The following TMEM132E variants were observed in gnomAD, a reference collection of about 807,000 sequenced individuals.
The protein encoded by TMEM132E is transmembrane protein 132E.
Under a neutral mutation model 78.5 loss-of-function variants are expected in TMEM132E, and 49 were observed. That is an observed-to-expected ratio of 0.62 (90% CI 0.50 to 0.79). The LOEUF is 0.79. TMEM132E is among the 30% of genes least tolerant of loss of function. TMEM132E has a pLI of 0.00. For synonymous variants in TMEM132E, 715 were observed against 670.6 expected, an observed-to-expected ratio of 1.07 and a Z score of -1.02; for missense variants, 1,403 against 1,470.9, an observed-to-expected ratio of 0.95 and a Z score of 0.75.
Position 34,637,996 on chromosome 17 carries a change from G to T in TMEM132E, c.2989G>T (p.Asp997Tyr). The change falls in exon 9 of 9, where the codon GAC (aspartate) becomes TAC (tyrosine). Residue 997 changes from aspartate to tyrosine, a missense_variant. Physicochemically the swap from Asp to Tyr is radical, Grantham distance 160. This residue lies in a region of TMEM132E where 888 missense variants were observed against 952.8 expected (regional missense o/e 0.93). Transcript: ENST00000631683. ...CGGCTCCTCGGGCGGCTCAGCCCGA[G>T]ACCAAGCCGAGGACCCCGCCAGCTC... ...GDGSSGGSAR[D>Y]QAEDPASSPT... is the part of the protein sequence containing the mutation. 1.9e-6 allele frequency: 3 copies of T among 1,584,668 alleles called. No homozygotes were observed. Among genetic ancestry groups the T allele is most frequent in the Admixed American group, 1.8e-5 (1 of 55,618 alleles).
intron 1 of TMEM132E, among the ~76,000 whole-genome samples, chr17:34,622,863 C>T (rs909275445): frequency 2.0e-5 from 3 of 151,946 alleles, no homozygotes; most frequent in Non-Finnish European, 2.9e-5. Flanking sequence ...AGGTAAGTGG[C>T]GGTAAGTGCT....
chr17:34,600,640 G>A (rs1906210801), intron 1 of TMEM132E, among the ~76,000 whole-genome samples: 1 of 152,170 alleles, frequency 6.6e-6, no homozygotes, highest in African/African-American at 2.4e-5. Flanking sequence ...GCTAAGGAGA[G>A]AAGCAGCCAG....
Position 34,580,426 on chromosome 17 carries a change from G to T in TMEM132E, c.-651G>T, listed in dbSNP as rs1307303004. 6.6e-6 allele frequency: 1 copy of T among 152,340 alleles called. No homozygotes were observed. Among genetic ancestry groups the T allele is most frequent in the Non-Finnish European group, 1.5e-5 (1 of 68,118 alleles). 9.4% of individuals were successfully genotyped at this position (152,340 alleles called of 1,614,324 possible). Reference sequence around the variant, plus strand: ...ACAAACATCTGGCCGCCCGCCTCGGGCATCCGGTCTGGGCGTCGCCTAGGG... The same window carrying T: ...ACAAACATCTGGCCGCCCGCCTCGGTCATCCGGTCTGGGCGTCGCCTAGGG... On this transcript the variant is annotated 5_prime_UTR_variant, in exon 1 of 9. Coordinates refer to ENST00000631683, the MANE Select transcript of TMEM132E (RefSeq NM_001304438.2).
At chr17:34,586,548 G>C (rs1306948676) in intron 1 of TMEM132E, among the ~76,000 whole-genome samples, 3 of 151,882 alleles carry the variant, frequency 2.0e-5, no homozygotes, top group Non-Finnish European at 4.4e-5. Flanking sequence ...AGTGGGGGGG[G>C]ACAAGCAAGC....
chr17:34,622,332 C>G (rs141594503), intron 1 of TMEM132E, among the ~76,000 whole-genome samples: 35 of 152,298 alleles, frequency 2.3e-4, no homozygotes, highest in African/African-American at 8.2e-4. Flanking sequence ...AGTGTTAGGT[C>G]TCAGGGACCC....
intron 1 of TMEM132E, among the ~76,000 whole-genome samples, chr17:34,605,339 C>A (rs976082019): frequency 6.6e-6 from 1 of 152,174 alleles, no homozygotes; most frequent in African/African-American, 2.4e-5. Flanking sequence ...GTCAGGTGTA[C>A]TCAGCACCTC....
intron 1 of TMEM132E, among the ~76,000 whole-genome samples, chr17:34,621,688 C>T (rs1315878046): frequency 6.6e-6 from 1 of 152,166 alleles, no homozygotes; most frequent in African/African-American, 2.4e-5. Context: ...GCAAACTGGT[C>T]TGCAGGGCAA....
Position 34,636,040 on chromosome 17 carries a change from G to C in TMEM132E, c.2011G>C (p.Glu671Gln), listed in dbSNP as rs1907508857. ...VSPLTEAVLG[E>Q]TLLTVTEEKV... ...TCCGCTGACGGAGGCTGTGCTCGGGGAGACGCTGCTGACGGTGACTGAGGA... is the reference window on the plus strand; with the variant it reads ...TCCGCTGACGGAGGCTGTGCTCGGGCAGACGCTGCTGACGGTGACTGAGGA... Residue 671 changes from glutamate (E) to glutamine (Q), a missense_variant, in exon 8 of 9, where the codon GAG (glutamate) becomes CAG (glutamine). This residue lies in a region of TMEM132E where 888 missense variants were observed against 952.8 expected (regional missense o/e 0.93). Coordinates refer to ENST00000631683, the MANE Select transcript of TMEM132E (RefSeq NM_001304438.2). 3 of 1,552,082 alleles carry C rather than the reference G, an allele frequency of 1.9e-6. No individual in the cohort carries two copies. The highest frequency in any genetic ancestry group is 2.6e-6 in the Non-Finnish European group (3 of 1,151,766).
rs1376002021 is a variant in TMEM132E at position 34,617,184 on chromosome 17, G to GACT, written c.68-8941_68-8939dup. On this transcript the variant is annotated intron_variant, in intron 1 of 8. Coordinates refer to ENST00000631683, the MANE Select transcript of TMEM132E (RefSeq NM_001304438.2). Reference sequence around the variant, plus strand: ...TCACTCATGTGGCATGCAGAGCAGGGACTATCCTCTTCTCCCAAAGAAAGA... The same window carrying GACT: ...TCACTCATGTGGCATGCAGAGCAGGGACTACTATCCTCTTCTCCCAAAGAAAGA... Among the ~76,000 whole-genome samples the GACT allele has an allele frequency of 3.9e-5, 6 of 152,348 alleles. No individual in the cohort carries two copies. The South Asian group carries it at 1.2e-3, about 32-fold the overall frequency.
At chr17:34,587,301 A>G (rs1453930307) in intron 1 of TMEM132E, among the ~76,000 whole-genome samples, 1 of 152,078 alleles carries the variant, frequency 6.6e-6, no homozygotes, top group Admixed American at 6.6e-5. Flanking sequence ...CCAACCCTTA[A>G]ACAGAATTAG....
intron 2 of TMEM132E, among the ~76,000 whole-genome samples, chr17:34,627,449 G>T (rs1350231061): frequency 5.2e-5 from 5 of 96,910 alleles, no homozygotes; most frequent in African/African-American, 1.6e-4. Flanking sequence ...CAGCCTCTTG[G>T]CTGGGAGCCA....
At position 34,634,779 on chromosome 17, in the gene TMEM132E, A is replaced by G; in HGVS notation, c.1689-20A>G. On this transcript the variant is annotated intron_variant, in intron 6 of 8. Transcript: ENST00000631683. ...AGAGTCCAGGTGAGAAGCCTTCAGC[A>G]TGGCATGTCCCCACCCCAGGTCAGT... 6.2e-7 allele frequency: 1 copy of G among 1,601,434 alleles called. No homozygotes were observed. The highest frequency in any genetic ancestry group is 8.5e-7 in the Non-Finnish European group (1 of 1,173,382).
rs769515627 is a variant in TMEM132E, at chr17:34,628,617, G to A, written c.1053G>A (p.Gln351=). Residue 351 remains glutamine (Q), a synonymous_variant, in exon 3 of 9, where the codon CAG becomes CAA. Coordinates refer to ENST00000631683, the MANE Select transcript of TMEM132E (RefSeq NM_001304438.2). The part of the protein sequence containing the change: ...TLLGTKSRSG[Q]WHVTSELLTG... ...TAGGTACCAAGTCACGGAGTGGCCA[G>A]TGGCATGTGACCTCGGAGCTGCTGA... 4.3e-6 allele frequency: 7 copies of A among 1,613,978 alleles called. No homozygotes were observed. The East Asian group carries it at 1.6e-4, about 36-fold the overall frequency.
At chr17:34,610,286 T>G (rs571259039) in intron 1 of TMEM132E, among the ~76,000 whole-genome samples, 2 of 152,306 alleles carry the variant, frequency 1.3e-5, no homozygotes, top group South Asian at 2.1e-4. Flanking sequence ...CCCAGCAGGG[T>G]CTGGTGCAGA....
intron 1 of TMEM132E, among the ~76,000 whole-genome samples, chr17:34,590,411 G>A (rs907967596): frequency 3.9e-5 from 6 of 152,188 alleles, no homozygotes; most frequent in Admixed American, 1.3e-4. Flanking sequence ...AATAAAATGC[G>A]GAGTCATTGA....
chr17:34,579,764 C>G lies in TMEM132E; in HGVS notation c.-1313C>G, dbSNP rs1905394911. 6.6e-6 allele frequency: 1 copy of G among 152,310 alleles called. No homozygotes were observed. 9.4% of individuals were successfully genotyped at this position (152,310 alleles called of 1,614,324 possible). On this transcript the variant is annotated 5_prime_UTR_variant, in exon 1 of 9. Coordinates refer to ENST00000631683, the MANE Select transcript of TMEM132E (RefSeq NM_001304438.2). The stretch of plus-strand genomic sequence containing the variant: ...GCCAGCACCTCCTCTCCTCTCGGCC[C>G]CGTAGGCACCAGCTGCCGCTTCCCT...
intron 1 of TMEM132E, among the ~76,000 whole-genome samples, chr17:34,596,572 G>T (rs1440446146): frequency 1.3e-5 from 2 of 152,106 alleles, no homozygotes; most frequent in African/African-American, 2.4e-5. Flanking sequence ...GCAGGGAATG[G>T]CTGACTCATT....
Position 34,626,672 on chromosome 17 carries a change from C to T in TMEM132E, c.613C>T (p.Pro205Ser), listed in dbSNP as rs1167506930. ...CCTGGCCTGGTTCGGGCCCCCAGCC[C>T]CCGCTGCGCCACCCACGGCCCGCCG... ...LPLAWFGPPA[P>S]AAPPTARRKS... Residue 205 changes from proline (P) to serine (S), a missense_variant, in exon 2 of 9, where the codon CCC becomes TCC. By Grantham distance (74) the Pro-to-Ser change is moderately conservative. Transcript: ENST00000631683. The T allele has an allele frequency of 1.4e-6, 2 of 1,407,792 alleles. No individual in the cohort carries two copies. The highest frequency in any genetic ancestry group is 1.5e-5 in the African/African-American group (1 of 67,990). The allele number at this position is 1,407,792 out of a possible 1,614,324, so 87.2% of individuals were successfully genotyped here.
intron 1 of TMEM132E, among the ~76,000 whole-genome samples, chr17:34,598,288 T>C (rs991265405): frequency 6.6e-6 from 1 of 151,698 alleles, no homozygotes; most frequent in Non-Finnish European, 1.5e-5. Flanking sequence ...GGGAGAGGGG[T>C]CTGGGTGGTG....
Sources: allele counts gnomAD v4.1 joint callset (sites outside exome capture counted in the v4.1 genomes callset), GRCh38; gene constraint gnomAD v4.1.1; regional missense constraint gnomAD v4.1.1; transcripts MANE v1.5; gene names NCBI Gene and HGNC (gene_info 2026-07-23, HGNC 2026-07-21).